The following AHRR variants were observed in gnomAD, a reference collection of about 807,000 sequenced individuals.
AHRR encodes ahR repressor.
Under a neutral mutation model 44.0 loss-of-function variants are expected in AHRR, and 28 were observed. That is an observed-to-expected ratio of 0.64 (90% CI 0.47 to 0.87). The LOEUF is 0.87. Ranked by LOEUF, AHRR falls within the 40% of genes least tolerant of loss-of-function variation. The pLI is 0.00. For missense variants in AHRR, 990 were observed against 953.9 expected (o/e 1.04, Z -0.50); for synonymous variants, 434 against 407.0 (o/e 1.07, Z -0.80).
In AHRR at chr5:433,916, G is replaced by T; in HGVS notation, c.1176G>T (p.Glu392Asp). 6.6e-7 allele frequency: 1 copy of T among 1,524,424 alleles called. No homozygotes were observed. The highest frequency in any genetic ancestry group is 8.8e-7 in the Non-Finnish European group (1 of 1,136,654). The allele number at this position is 1,524,424 out of a possible 1,614,324, so 94.4% of individuals were successfully genotyped here. ...SRASGVTGRRETPGPTKPLPW... is the reference protein window; with the variant it reads ...SRASGVTGRRDTPGPTKPLPW... ...CCTCTGGAGTGACAGGGCGGAGGGA[G>T]ACTCCAGGACCCACAAAGCCCCTGC... Residue 392 changes from glutamate to aspartate, a missense_variant, in exon 11 of 11, where the codon GAG (glutamate) becomes GAT (aspartate). Glu to Asp is a conservative substitution (Grantham distance 45). Transcript: ENST00000684583.
At position 434,564 on chromosome 5, in the gene AHRR, G is replaced by A. The variant is rs1224271567; in HGVS notation, c.1824G>A (p.Leu608=). The part of the protein sequence containing the change: ...GRATAGRSRE[L]TPFHPAHCAC... Reference sequence around the variant, plus strand: ...CCACTGCTGGGCGCAGCAGGGAGCTGACCCCTTTCCACCCTGCACACTGTG... The same window carrying A: ...CCACTGCTGGGCGCAGCAGGGAGCTAACCCCTTTCCACCCTGCACACTGTG... The change falls in exon 11 of 11, where the codon CTG becomes CTA. Residue 608 remains leucine (L), a synonymous_variant. Transcript: ENST00000684583. 4 of 1,593,066 alleles carry A rather than the reference G, an allele frequency of 2.5e-6. No individual in the cohort carries two copies. The highest frequency in any genetic ancestry group is 2.6e-6 in the Non-Finnish European group (3 of 1,170,110).
At position 381,348 on chromosome 5, in the gene AHRR, C is replaced by G. The variant is rs540899169; in HGVS notation, c.351+4632C>G. 7.5e-4 allele frequency among the ~76,000 whole-genome samples: 114 copies of G among 152,210 alleles called. 1 individual carries two copies. The highest frequency in any genetic ancestry group is 2.6e-3 in the African/African-American group (108 of 41,534). On this transcript the variant is annotated intron_variant, in intron 4 of 10. Transcript: ENST00000684583. ...GAGAATAGAGTTGGTTTTATATTTA[C>G]TTTTTCAATCTATGTGCCTCATTTT...
chr5:434,308 G>A lies in AHRR; in HGVS notation c.1568G>A (p.Cys523Tyr). Residue 523 changes from cysteine (C) to tyrosine (Y), a missense_variant, in exon 11 of 11, where the codon TGT becomes TAT. Physicochemically the swap from Cys to Tyr is radical, Grantham distance 194. Coordinates refer to ENST00000684583, the MANE Select transcript of AHRR (RefSeq NM_001377236.1). ...GTACCGATGCCTCCGGGGGACCTGT[G>A]TGGTCCGACGCTGCTGCTAGATGTG... ...QGVPMPPGDLCGPTLLLDVSI... is the reference protein window; with the variant it reads ...QGVPMPPGDLYGPTLLLDVSI... The A allele has an allele frequency of 6.2e-7, 1 of 1,610,588 alleles. No homozygotes were observed. The highest frequency in any genetic ancestry group is 8.5e-7 in the Non-Finnish European group (1 of 1,178,278).
At position 389,729 on chromosome 5, in the gene AHRR, G is replaced by A. The variant is rs181599543; in HGVS notation, c.351+13013G>A. ...GAAAGGACCAGGGCGCAGATATGGCGGCCCCCAGGACACACGGCACAGGCC... is the reference window on the plus strand; with the variant it reads ...GAAAGGACCAGGGCGCAGATATGGCAGCCCCCAGGACACACGGCACAGGCC... On this transcript the variant is annotated intron_variant, in intron 4 of 10. Transcript: ENST00000684583. Among the ~76,000 whole-genome samples the A allele has an allele frequency of 5.4e-3, 821 of 152,020 alleles. 9 individuals carry two copies. The highest frequency in any genetic ancestry group is 0.019 in the African/African-American group (779 of 41,428).
Position 383,242 on chromosome 5 carries a change from AG to A in AHRR, c.351+6527del, listed in dbSNP as rs1734055536. ...AGGGGTATTCCACTGTCATTGTGTG[AG>A]TTGTTCTGTAAACATTAATTATATC... On this transcript the variant is annotated intron_variant, in intron 4 of 10. Transcript: ENST00000684583. The surrounding 1 kb of genome is among the most constrained non-coding windows in gnomAD (Gnocchi z 4.0). Among the ~76,000 whole-genome samples, 1 of 152,194 alleles carries A rather than the reference AG, an allele frequency of 6.6e-6. No individual in the cohort carries two copies. The highest frequency in any genetic ancestry group is 2.1e-4 in the South Asian group (1 of 4,828).
intron 3 of AHRR, 59 bp from the exon 4 acceptor site, chr5:376,551 A>AAAG: frequency 2.1e-6 from 3 of 1,401,308 alleles, no homozygotes; most frequent in South Asian, 1.4e-5. Context: ...GATGTGAATG[A>AAAG]AGAAGAGTGG....
At chr5:373,783 C>T (rs1355004408) in intron 3 of AHRR, among the ~76,000 whole-genome samples, 1 of 151,284 alleles carries the variant, frequency 6.6e-6, no homozygotes, top group East Asian at 2.0e-4. Flanking sequence ...GGACCCCGAG[C>T]CCCATTCCCC....
intron 10 of AHRR, 44 bp downstream of exon 10, chr5:432,991 A>C: frequency 6.5e-7 from 1 of 1,532,718 alleles, no homozygotes; most frequent in East Asian, 2.3e-5. Flanking sequence ...GCAGCTCCCT[A>C]AGTCACCGTG....
At chr5:391,572 G>A (rs1245894428) in intron 4 of AHRR, among the ~76,000 whole-genome samples, 82 of 3,354 alleles carry the variant, frequency 0.024, 1 homozygote, top group East Asian at 0.066. Context: ...GCGTGCACGG[G>A]GGCAGGGCGA....
chr5:431,708 C>G lies in AHRR; in HGVS notation c.909-755C>G, dbSNP rs183399590. Among the ~76,000 whole-genome samples, 7 of 152,318 alleles carry G rather than the reference C, an allele frequency of 4.6e-5. No homozygotes were observed. The East Asian group carries it at 1.3e-3, about 29-fold the overall frequency. On this transcript the variant is annotated intron_variant, in intron 8 of 10. Coordinates refer to ENST00000684583, the MANE Select transcript of AHRR (RefSeq NM_001377236.1). ...GTTTTGTGACATGATCTTGATCTGC[C>G]TCTTCCTGAAGCCCATTCTGTGAAT...
chr5:431,761 C>T (rs1284088072), intron 8 of AHRR, among the ~76,000 whole-genome samples: 3 of 152,322 alleles, frequency 2.0e-5, no homozygotes, highest in Non-Finnish European at 4.4e-5. Flanking sequence ...TTCACTGGGA[C>T]CCCCATGTCA....
intron 4 of AHRR, among the ~76,000 whole-genome samples, chr5:385,216 C>A (rs1734123155): frequency 6.6e-6 from 1 of 151,906 alleles, no homozygotes. Context: ...AACCTGTTGC[C>A]CAGGCTGGAG....
rs1734679232 is a variant in AHRR at position 395,841 on chromosome 5, GAGGGGAAC to G, written c.352-17499_352-17492del. On this transcript the variant is annotated intron_variant, in intron 4 of 10. Transcript: ENST00000684583. This position sits in a 1 kb window ranked among gnomAD's most constrained non-coding sequence, Gnocchi z 5.3. ...GGGACCCTTTGGGAGAGGATTGAGTGAGGGGAACAGGAGGTGAAGCAAAAGGGATGAGC... is the reference window on the plus strand; with the variant it reads ...GGGACCCTTTGGGAGAGGATTGAGTGAGGAGGTGAAGCAAAAGGGATGAGC... Among the ~76,000 whole-genome samples, 1 of 152,240 alleles carries G rather than the reference GAGGGGAAC, an allele frequency of 6.6e-6. No individual in the cohort carries two copies. The highest frequency in any genetic ancestry group is 2.4e-5 in the African/African-American group (1 of 41,470).
rs915620823 is a variant in AHRR, at chr5:379,751, G to A, written c.351+3035G>A. On this transcript the variant is annotated intron_variant, in intron 4 of 10. Transcript: ENST00000684583. ...TCTGGAAACATGTCCTTTCTCATATGTATGATTTATAAATATTTTCTCGTA... is the reference window on the plus strand; with the variant it reads ...TCTGGAAACATGTCCTTTCTCATATATATGATTTATAAATATTTTCTCGTA... Among the ~76,000 whole-genome samples, 5 of 152,298 alleles carry A rather than the reference G, an allele frequency of 3.3e-5. No individual in the cohort carries two copies. In the South Asian group the frequency reaches 1.0e-3, roughly 32 times the overall value.
At chr5:394,672 C>G (rs1462303914) in intron 4 of AHRR, among the ~76,000 whole-genome samples, 1 of 152,120 alleles carries the variant, frequency 6.6e-6, no homozygotes, top group Non-Finnish European at 1.5e-5. Context: ...TGTCTTCGCC[C>G]GTTGCTTGGC....
At chr5:390,993 C>T (rs1281705118) in intron 4 of AHRR, among the ~76,000 whole-genome samples, 1 of 152,172 alleles carries the variant, frequency 6.6e-6, no homozygotes, top group Non-Finnish European at 1.5e-5. Context: ...GGGATGGGAG[C>T]CCCTCCAGGA....
intron 8 of AHRR, among the ~76,000 whole-genome samples, chr5:431,432 C>G (rs2126548058): frequency 6.6e-6 from 1 of 152,334 alleles, no homozygotes. Context: ...GGAATTCTCC[C>G]CACCCTGCTC....
At chr5:343,750 C>G in intron 1 of AHRR, 143 bp from the exon 2 acceptor site, 1 of 763,568 alleles carries the variant, frequency 1.3e-6, no homozygotes, top group South Asian at 1.9e-5. Context: ...CCAGGGGGTC[C>G]CACGAGGAGG....
chr5:345,497 T>G (rs1742629163), intron 2 of AHRR, among the ~76,000 whole-genome samples: 1 of 88,840 alleles, frequency 1.1e-5, no homozygotes, highest in Admixed American at 1.1e-4. Flanking sequence ...GATGTGTGTA[T>G]GTGGGGGGGA....
Sources: allele counts gnomAD v4.1 joint callset (sites outside exome capture counted in the v4.1 genomes callset), GRCh38; gene constraint gnomAD v4.1.1; non-coding constraint Gnocchi (gnomAD v3.1); transcripts MANE v1.5; gene names NCBI Gene and HGNC (gene_info 2026-07-23, HGNC 2026-07-21).